CDK5R1: variants seen among roughly 807,000 people sequenced by gnomAD.
The protein encoded by CDK5R1 is cyclin-dependent kinase 5 activator 1.
Under a neutral mutation model 19.0 loss-of-function variants are expected in CDK5R1, and 1 was observed. The observed-to-expected ratio is 0.05, with a 90% CI of 0.02 to 0.25. CDK5R1 has a LOEUF of 0.25. CDK5R1 is among the 10% of genes least tolerant of loss of function. The pLI is 1.00. For missense variants in CDK5R1, 314 were observed against 401.0 expected (o/e 0.78, Z 1.85); for synonymous variants, 225 against 187.7 (o/e 1.20, Z -1.62).
At position 32,488,202 on chromosome 17, in the gene CDK5R1, C is replaced by T. The variant is rs752308387; in HGVS notation, c.582C>T (p.Gly194=). 3.7e-6 allele frequency: 6 copies of T among 1,613,908 alleles called. No individual in the cohort carries two copies. The highest frequency in any genetic ancestry group is 5.1e-6 in the Non-Finnish European group (6 of 1,180,034). The change falls in exon 2 of 2, where the codon GGC becomes GGT. Residue 194 remains glycine (G), a synonymous_variant. Transcript: ENST00000313401. ...SLLLQGWQDQ[G]FITPANVVFL... ...TTCTGCAGGGCTGGCAGGACCAGGG[C>T]TTCATCACGCCGGCCAACGTGGTCT...
At position 32,489,628 on chromosome 17, in the gene CDK5R1, A is replaced by G. The variant is rs1908801641; in HGVS notation, c.*1084A>G. 1 of 174,312 alleles carries G rather than the reference A, an allele frequency of 5.7e-6. No individual in the cohort carries two copies. The allele number at this position is 174,312 out of a possible 1,614,324, so 10.8% of individuals were successfully genotyped here. On this transcript the variant is annotated 3_prime_UTR_variant, in exon 2 of 2. Transcript: ENST00000313401. ...GTGAGACAGCCGGATCTTGGAGACA[A>G]TTACAAGACGGGGAGTGAGACTCCT... is the stretch of plus-strand genomic sequence containing the variant.
chr17:32,488,425 A>G lies in CDK5R1; in HGVS notation c.805A>G (p.Ser269Gly). 1 of 1,613,936 alleles carries G rather than the reference A, an allele frequency of 6.2e-7. No individual in the cohort carries two copies. Among genetic ancestry groups the G allele is most frequent in the Non-Finnish European group, 8.5e-7 (1 of 1,180,010 alleles). ...TTGCCTCTCTGTCATCAACCTCATG[A>G]GCTCAAAGATGCTGCAGATAAATGC... ...DRCLSVINLMSSKMLQINADP... is the reference protein window; with the variant it reads ...DRCLSVINLMGSKMLQINADP... The change falls in exon 2 of 2, where the codon AGC (serine) becomes GGC (glycine). Residue 269 changes from serine to glycine, a missense_variant. Physicochemically the swap from Ser to Gly is moderately conservative, Grantham distance 56 (BLOSUM62 0). Around this residue, in one of 3 missense-constraint regions of CDK5R1, gnomAD observed 106 missense variants for 132.1 expected, o/e 0.80. Transcript: ENST00000313401.
rs768182535 is a variant in CDK5R1, at chr17:32,487,975, A to G, written c.355A>G (p.Thr119Ala). 5 of 1,613,052 alleles carry G rather than the reference A, an allele frequency of 3.1e-6. No individual in the cohort carries two copies. The African/African-American group carries it at 4.0e-5, about 13-fold the overall frequency. The change falls in exon 2 of 2, where the codon ACC becomes GCC. Residue 119 changes from threonine (T) to alanine (A), a missense_variant. This residue lies in a region of CDK5R1 where 197 missense variants were observed against 230.2 expected (regional missense o/e 0.86). Coordinates refer to ENST00000313401, the MANE Select transcript of CDK5R1 (RefSeq NM_003885.3). This position sits in a 1 kb window ranked among gnomAD's most constrained non-coding sequence, Gnocchi z 7.9. Reference sequence around the variant, plus strand: ...GGCCAGCCAGCTCTCGGGTTCCCAGACCGGGGGCTCCTCCTCAGTCAAGAA... The same window carrying G: ...GGCCAGCCAGCTCTCGGGTTCCCAGGCCGGGGGCTCCTCCTCAGTCAAGAA... ...PPASQLSGSQ[T>A]GGSSSVKKAP... is the part of the protein sequence containing the mutation.
At position 32,487,007 on chromosome 17, in the gene CDK5R1, TGCC is replaced by T. The variant is rs9333298; in HGVS notation, c.-281_-279del. ...GAACCTTGGACAGAAGCTCCCTAGC[TGCC>T]GCCGCCGCCGCCGCCGCCGTCGCCG... is the stretch of plus-strand genomic sequence containing the variant. On this transcript the variant is annotated 5_prime_UTR_variant, in exon 1 of 2. Coordinates refer to ENST00000313401, the MANE Select transcript of CDK5R1 (RefSeq NM_003885.3). The surrounding 1 kb of genome is among the most constrained non-coding windows in gnomAD (Gnocchi z 7.9). 3.0e-3 allele frequency: 459 copies of T among 152,462 alleles called. 3 individuals carry two copies. The highest frequency in any genetic ancestry group is 6.6e-3 in the African/African-American group (263 of 40,028). The allele number at this position is 152,462 out of a possible 1,614,324, so 9.4% of individuals were successfully genotyped here. A position where few individuals can be genotyped will look rare whatever the true frequency, so the allele number is the denominator to read the frequency against.
chr17:32,490,040 C>G lies in CDK5R1; in HGVS notation c.*1496C>G. Reference sequence around the variant, plus strand: ...AAAAAGAAAGCTGTGAAATTGAAGTCCCAATTTAAGAGTCCTGAGGCAGAA... The same window carrying G: ...AAAAAGAAAGCTGTGAAATTGAAGTGCCAATTTAAGAGTCCTGAGGCAGAA... On this transcript the variant is annotated 3_prime_UTR_variant, in exon 2 of 2. Coordinates refer to ENST00000313401, the MANE Select transcript of CDK5R1 (RefSeq NM_003885.3). The G allele has an allele frequency of 8.4e-5, 14 of 167,212 alleles. No homozygotes were observed. The allele number at this position is 167,212 out of a possible 1,614,324, so 10.4% of individuals were successfully genotyped here. A position where few individuals can be genotyped will look rare whatever the true frequency, so the allele number is the denominator to read the frequency against.
In CDK5R1 at chr17:32,488,211, G is replaced by A. The variant is rs764319776; in HGVS notation, c.591G>A (p.Thr197=). 7 of 1,613,756 alleles carry A rather than the reference G, an allele frequency of 4.3e-6. No homozygotes were observed. The highest frequency in any genetic ancestry group is 5.9e-6 in the Non-Finnish European group (7 of 1,180,040). Residue 197 remains threonine (T), a synonymous_variant, in exon 2 of 2, where the codon ACG becomes ACA. Coordinates refer to ENST00000313401, the MANE Select transcript of CDK5R1 (RefSeq NM_003885.3). ...GCTGGCAGGACCAGGGCTTCATCAC[G>A]CCGGCCAACGTGGTCTTCCTCTACA... ...LQGWQDQGFI[T]PANVVFLYML... is the part of the protein sequence containing the mutation.
chr17:32,488,011 C>A lies in CDK5R1; in HGVS notation c.391C>A (p.Pro131Thr). 1 of 1,613,100 alleles carries A rather than the reference C, an allele frequency of 6.2e-7. No individual in the cohort carries two copies. The highest frequency in any genetic ancestry group is 8.5e-7 in the Non-Finnish European group (1 of 1,179,754). ...CTCCTCAGTCAAGAAAGCCCCTCAC[C>A]CTGCCGTCACCTCCGCAGGGACGCC... ...GSSSVKKAPH[P>T]AVTSAGTPKR... The change falls in exon 2 of 2, where the codon CCT becomes ACT. Residue 131 changes from proline (P) to threonine (T), a missense_variant. Coordinates refer to ENST00000313401, the MANE Select transcript of CDK5R1 (RefSeq NM_003885.3).
chr17:32,488,956 A>T lies in CDK5R1; in HGVS notation c.*412A>T. Reference sequence around the variant, plus strand: ...CCTTTTCTGGCTCCTGTGTGGAGTTATTCACTCTCCCAGAGGCTCCTGGAG... The same window carrying T: ...CCTTTTCTGGCTCCTGTGTGGAGTTTTTCACTCTCCCAGAGGCTCCTGGAG... On this transcript the variant is annotated 3_prime_UTR_variant, in exon 2 of 2. Coordinates refer to ENST00000313401, the MANE Select transcript of CDK5R1 (RefSeq NM_003885.3). 2.7e-6 allele frequency: 1 copy of T among 371,630 alleles called. No individual in the cohort carries two copies. Among genetic ancestry groups the T allele is most frequent in the Non-Finnish European group, 5.5e-6 (1 of 182,382 alleles). 23.0% of individuals were successfully genotyped at this position (371,630 alleles called of 1,614,324 possible).
rs989685926 is a variant in CDK5R1 at position 32,489,063 on chromosome 17, G to A, written c.*519G>A. 3 of 447,934 alleles carry A rather than the reference G, an allele frequency of 6.7e-6. No individual in the cohort carries two copies. The highest frequency in any genetic ancestry group is 2.5e-5 in the Admixed American group (1 of 40,332). The allele number at this position is 447,934 out of a possible 1,614,324, so 27.7% of individuals were successfully genotyped here. A position where few individuals can be genotyped will look rare whatever the true frequency, so the allele number is the denominator to read the frequency against. On this transcript the variant is annotated 3_prime_UTR_variant, in exon 2 of 2. Coordinates refer to ENST00000313401, the MANE Select transcript of CDK5R1 (RefSeq NM_003885.3). ...GGGACATCTTCAATCTAGGCGAGGC[G>A]AAGCTGAGCGGGTCTAGTGGAAAGA...
rs1372975469 is a variant in CDK5R1, at chr17:32,487,218, G to T, written c.-146+56G>T. 2.7e-5 allele frequency: 4 copies of T among 147,226 alleles called. No individual in the cohort carries two copies. The East Asian group carries it at 7.9e-4, about 29-fold the overall frequency. 9.1% of individuals were successfully genotyped at this position (147,226 alleles called of 1,614,324 possible). A position where few individuals can be genotyped will look rare whatever the true frequency, so the allele number is the denominator to read the frequency against. On this transcript the variant is annotated intron_variant, in intron 1 of 1. Coordinates refer to ENST00000313401, the MANE Select transcript of CDK5R1 (RefSeq NM_003885.3). This position sits in a 1 kb window ranked among gnomAD's most constrained non-coding sequence, Gnocchi z 7.9. ...CCTGGGGAGCGGAGACCGGGGTCGC[G>T]CCCGTGCGGGGTGTCCAGGCGGGGG... is the stretch of plus-strand genomic sequence containing the variant.
In CDK5R1 at chr17:32,488,974, T is replaced by G; in HGVS notation, c.*430T>G. On this transcript the variant is annotated 3_prime_UTR_variant, in exon 2 of 2. Coordinates refer to ENST00000313401, the MANE Select transcript of CDK5R1 (RefSeq NM_003885.3). ...TGGAGTTATTCACTCTCCCAGAGGC[T>G]CCTGGAGCCAGCCACCCTAACTGAG... 1 of 371,748 alleles carries G rather than the reference T, an allele frequency of 2.7e-6. No individual in the cohort carries two copies. Among genetic ancestry groups the G allele is most frequent in the Non-Finnish European group, 5.5e-6 (1 of 181,494 alleles). The allele number at this position is 371,748 out of a possible 1,614,324, so 23.0% of individuals were successfully genotyped here. A position where few individuals can be genotyped will look rare whatever the true frequency, so the allele number is the denominator to read the frequency against.
At position 32,489,118 on chromosome 17, in the gene CDK5R1, C is replaced by T. The variant is rs1161765090; in HGVS notation, c.*574C>T. On this transcript the variant is annotated 3_prime_UTR_variant, in exon 2 of 2. Transcript: ENST00000313401. ...GTCTGGTCGTTTGACCACACACCGCCCTGATTTGCTGTTTTCTTTTTTTAG... is the reference window on the plus strand; with the variant it reads ...GTCTGGTCGTTTGACCACACACCGCTCTGATTTGCTGTTTTCTTTTTTTAG... 5 of 470,932 alleles carry T rather than the reference C, an allele frequency of 1.1e-5. No homozygotes were observed. The highest frequency in any genetic ancestry group is 7.0e-5 in the Admixed American group (3 of 42,572). 29.2% of individuals were successfully genotyped at this position (470,932 alleles called of 1,614,324 possible).
chr17:32,488,051 T>C lies in CDK5R1; in HGVS notation c.431T>C (p.Val144Ala). The change falls in exon 2 of 2, where the codon GTC becomes GCC. Residue 144 changes from valine (V) to alanine (A), a missense_variant. Val to Ala is a moderately conservative substitution (Grantham distance 64). Coordinates refer to ENST00000313401, the MANE Select transcript of CDK5R1 (RefSeq NM_003885.3). ...TSAGTPKRVI[V>A]QASTSELLRC... ...GCAGGGACGCCCAAACGGGTCATCGTCCAGGCGTCCACCAGTGAGCTGCTT... is the reference window on the plus strand; with the variant it reads ...GCAGGGACGCCCAAACGGGTCATCGCCCAGGCGTCCACCAGTGAGCTGCTT... 6.2e-7 allele frequency: 1 copy of C among 1,612,774 alleles called. No homozygotes were observed. Among genetic ancestry groups the C allele is most frequent in the Non-Finnish European group, 8.5e-7 (1 of 1,179,530 alleles).
In CDK5R1 at chr17:32,488,631, G is replaced by C; in HGVS notation, c.*87G>C. 1 of 1,573,094 alleles carries C rather than the reference G, an allele frequency of 6.4e-7. No individual in the cohort carries two copies. Among genetic ancestry groups the C allele is most frequent in the Non-Finnish European group, 8.6e-7 (1 of 1,160,118 alleles). ...CAGTTTTGTGTACAGTATGTGTCTA[G>C]CAAAGCCACCAAGGGCCTCACCTTT... On this transcript the variant is annotated 3_prime_UTR_variant, in exon 2 of 2. Coordinates refer to ENST00000313401, the MANE Select transcript of CDK5R1 (RefSeq NM_003885.3).
rs779464492 is a variant in CDK5R1, at chr17:32,489,174, G to A, written c.*630G>A. On this transcript the variant is annotated 3_prime_UTR_variant, in exon 2 of 2. Coordinates refer to ENST00000313401, the MANE Select transcript of CDK5R1 (RefSeq NM_003885.3). ...AGGGCTTTTCTTTAGTGGAGAAATG[G>A]AACTCGCCCCCCTACCCCCTTGTCT... The A allele has an allele frequency of 1.1e-5, 5 of 471,144 alleles. No individual in the cohort carries two copies. The Admixed American group carries it at 1.2e-4, about 11-fold the overall frequency. 29.2% of individuals were successfully genotyped at this position (471,144 alleles called of 1,614,324 possible).
At position 32,489,401 on chromosome 17, in the gene CDK5R1, C is replaced by T. The variant is rs899861030; in HGVS notation, c.*857C>T. 7.1e-6 allele frequency: 3 copies of T among 423,914 alleles called. No individual in the cohort carries two copies. Among genetic ancestry groups the T allele is most frequent in the African/African-American group, 6.1e-5 (3 of 48,946 alleles). 26.3% of individuals were successfully genotyped at this position (423,914 alleles called of 1,614,324 possible). ...GGTGCCCATTAGCAACGCCTGCCTT[C>T]TGGGCAAGGTGAGGGATGCCATACC... is the stretch of plus-strand genomic sequence containing the variant. On this transcript the variant is annotated 3_prime_UTR_variant, in exon 2 of 2. Coordinates refer to ENST00000313401, the MANE Select transcript of CDK5R1 (RefSeq NM_003885.3).
In CDK5R1 at chr17:32,489,050, A is replaced by G. The variant is rs535538349; in HGVS notation, c.*506A>G. 134 of 424,970 alleles carry G rather than the reference A, an allele frequency of 3.2e-4. 1 individual carries two copies. The highest frequency in any genetic ancestry group is 1.8e-3 in the South Asian group (103 of 57,850). The allele number at this position is 424,970 out of a possible 1,614,324, so 26.3% of individuals were successfully genotyped here. A position where few individuals can be genotyped will look rare whatever the true frequency, so the allele number is the denominator to read the frequency against. On this transcript the variant is annotated 3_prime_UTR_variant, in exon 2 of 2. Transcript: ENST00000313401. ...TCCCCGCCACCCGGGGACATCTTCA[A>G]TCTAGGCGAGGCGAAGCTGAGCGGG...
chr17:32,488,823 C>A lies in CDK5R1; in HGVS notation c.*279C>A. 1 of 496,910 alleles carries A rather than the reference C, an allele frequency of 2.0e-6. No individual in the cohort carries two copies. The highest frequency in any genetic ancestry group is 3.7e-6 in the Non-Finnish European group (1 of 271,744). 30.8% of individuals were successfully genotyped at this position (496,910 alleles called of 1,614,324 possible). A position where few individuals can be genotyped will look rare whatever the true frequency, so the allele number is the denominator to read the frequency against. ...CTGACCTGCCCCTGCCGCCTGTGCC[C>A]TTGCTGGGTCCAGGGTAGGCAAGGC... On this transcript the variant is annotated 3_prime_UTR_variant, in exon 2 of 2. Transcript: ENST00000313401.
At position 32,487,881 on chromosome 17, in the gene CDK5R1, G is replaced by T; in HGVS notation, c.261G>T (p.Lys87Asn). 1 of 1,613,898 alleles carries T rather than the reference G, an allele frequency of 6.2e-7. No individual in the cohort carries two copies. The highest frequency in any genetic ancestry group is 8.5e-7 in the Non-Finnish European group (1 of 1,180,016). Residue 87 changes from lysine to asparagine, a missense_variant, in exon 2 of 2, where the codon AAG becomes AAT. Lys to Asn is a moderately conservative substitution (Grantham distance 94, BLOSUM62 0). This residue lies in a region of CDK5R1 where 197 missense variants were observed against 230.2 expected (regional missense o/e 0.86). Transcript: ENST00000313401. The surrounding 1 kb of genome is among the most constrained non-coding windows in gnomAD (Gnocchi z 7.9). Reference protein sequence around the residue: ...NITHLNNENLKKSLSCANLST... With the variant: ...NITHLNNENLNKSLSCANLST... ...CGCACCTCAACAATGAGAACCTGAAGAAGTCGCTGTCGTGCGCCAACCTGT... is the reference window on the plus strand; with the variant it reads ...CGCACCTCAACAATGAGAACCTGAATAAGTCGCTGTCGTGCGCCAACCTGT...
Sources: allele counts gnomAD v4.1 joint callset, GRCh38; gene constraint gnomAD v4.1.1; regional missense constraint gnomAD v4.1.1; non-coding constraint Gnocchi (gnomAD v3.1); transcripts MANE v1.5; gene names NCBI Gene and HGNC (gene_info 2026-07-23, HGNC 2026-07-21).